Variants in MAP1LC3A observed in about 807,000 individuals in gnomAD.
MAP1LC3A encodes microtubule associated protein 1 light chain 3 alpha, also known as microtubule-associated protein 1 light chain 3 alpha.
MAP1LC3A carries 10 observed loss-of-function variants against 15.2 expected under a neutral mutation model. The observed-to-expected ratio is 0.66, with a 90% CI of 0.41 to 1.12. The LOEUF (loss-of-function observed/expected upper bound fraction) is 1.12. MAP1LC3A is among the 50% of genes most tolerant of loss of function. MAP1LC3A has a pLI of 0.00. For missense variants in MAP1LC3A, 138 were observed against 167.3 expected, an observed-to-expected ratio of 0.82 and a Z score of 0.97; for synonymous variants, 63 against 64.3, an observed-to-expected ratio of 0.98 and a Z score of 0.10.
Position 34,559,818 on chromosome 20 carries a change from G to T in MAP1LC3A, c.286G>T (p.Ala96Ser), listed in dbSNP as rs760673110. 9 of 1,613,878 alleles carry T rather than the reference G, an allele frequency of 5.6e-6. 1 individual carries two copies. The South Asian group carries it at 7.7e-5, about 14-fold the overall frequency. The change falls in exon 4 of 4, where the codon GCG becomes TCG. Residue 96 changes from alanine (A) to serine (S), a missense_variant. Ala to Ser is a moderately conservative substitution (Grantham distance 99). Coordinates refer to ENST00000360668, the MANE Select transcript of MAP1LC3A (RefSeq NM_032514.4). Reference sequence around the variant, plus strand: ...CATGGTGAGTGTGTCCACGCCCATCGCGGACATCTACGAGCAGGAGAAAGA... The same window carrying T: ...CATGGTGAGTGTGTCCACGCCCATCTCGGACATCTACGAGCAGGAGAAAGA... Reference protein sequence around the residue: ...HSMVSVSTPIADIYEQEKDED... With the variant: ...HSMVSVSTPISDIYEQEKDED...
chr20:34,553,826 C>T (rs1982039254), upstream of MAP1LC3A, among the ~76,000 whole-genome samples: 1 of 152,206 alleles, frequency 6.6e-6, no homozygotes, highest in Non-Finnish European at 1.5e-5. Context: ...TCCTCTCCAT[C>T]TTTCATTAAA....
In MAP1LC3A at chr20:34,559,070, G is replaced by A. The variant is rs889422743; in HGVS notation, c.41-138G>A. ...GCTGCCCGCTTCCCCACCGCGATAG[G>A]TGCCAGGGGCTGTGGGGCCTGATGG... On this transcript the variant is annotated intron_variant, in intron 1 of 3. Coordinates refer to ENST00000360668, the MANE Select transcript of MAP1LC3A (RefSeq NM_032514.4). 19 of 1,341,742 alleles carry A rather than the reference G, an allele frequency of 1.4e-5. No homozygotes were observed. In the Middle Eastern group the frequency reaches 1.6e-3, roughly 116 times the overall value. The allele number at this position is 1,341,742 out of a possible 1,614,324, so 83.1% of individuals were successfully genotyped here. A position where few individuals can be genotyped will look rare whatever the true frequency, so the allele number is the denominator to read the frequency against.
chr20:34,555,287 A>G (rs754467436), upstream of MAP1LC3A, among the ~76,000 whole-genome samples: 3 of 151,988 alleles, frequency 2.0e-5, no homozygotes, highest in Non-Finnish European at 4.4e-5. Flanking sequence ...CTGAGATTAC[A>G]GAATGCACCA....
chr20:34,553,916 T>C (rs1982043514), upstream of MAP1LC3A, among the ~76,000 whole-genome samples: 1 of 152,234 alleles, frequency 6.6e-6, no homozygotes, highest in Non-Finnish European at 1.5e-5. Flanking sequence ...TTTGCTATTA[T>C]GAAAATGTTA....
At chr20:34,550,691 A>C (rs770373957) in intron 2 of MAP1LC3A, among the ~76,000 whole-genome samples, 27 of 152,198 alleles carry the variant, frequency 1.8e-4, no homozygotes, top group Admixed American at 1.4e-3. Context: ...GGGAGCACAA[A>C]ATGGAACAGC....
At chr20:34,558,483 G>A, upstream of MAP1LC3A, 3 of 1,024,016 alleles carry the variant, frequency 2.9e-6, no homozygotes, top group Non-Finnish European at 3.5e-6. This position sits in a 1 kb window ranked among gnomAD's most constrained non-coding sequence, Gnocchi z 4.3. Flanking sequence ...GCCTAGGGCG[G>A]CCCCACCGCC....
At chr20:34,551,466 CCTTT>C (rs1981945675) in intron 2 of MAP1LC3A, among the ~76,000 whole-genome samples, 2 of 117,862 alleles carry the variant, frequency 1.7e-5, no homozygotes, top group Admixed American at 1.0e-4. Context: ...GGAACGCTGT[CCTTT>C]TTTTTTTTTT....
chr20:34,558,773 C>T lies in MAP1LC3A; in HGVS notation c.-96C>T, dbSNP rs1028373266. 3 of 1,349,244 alleles carry T rather than the reference C, an allele frequency of 2.2e-6. No individual in the cohort carries two copies. Among genetic ancestry groups the T allele is most frequent in the Non-Finnish European group, 2.8e-6 (3 of 1,059,532 alleles). 83.6% of individuals were successfully genotyped at this position (1,349,244 alleles called of 1,614,324 possible). On this transcript the variant is annotated 5_prime_UTR_variant, in exon 1 of 4. Transcript: ENST00000360668. The surrounding 1 kb of genome is among the most constrained non-coding windows in gnomAD (Gnocchi z 4.3). ...CGTGCTCAGCGCGAGCCCCGGAGCC[C>T]TTGAGCGCGAGGCGCGGAGCCCCCG...
Position 34,559,238 on chromosome 20 carries a change from G to A in MAP1LC3A, c.71G>A (p.Arg24His), listed in dbSNP as rs1166761643. 6.2e-7 allele frequency: 1 copy of A among 1,605,524 alleles called. No individual in the cohort carries two copies. Among genetic ancestry groups the A allele is most frequent in the Non-Finnish European group, 8.5e-7 (1 of 1,177,052 alleles). Residue 24 changes from arginine to histidine, a missense_variant, in exon 2 of 4, where the codon CGC (arginine) becomes CAC (histidine). Coordinates refer to ENST00000360668, the MANE Select transcript of MAP1LC3A (RefSeq NM_032514.4). ...CGCTGTAAGGAGGTACAGCAGATCC[G>A]CGACCAGCACCCCAGCAAAATCCCG... ...ADRCKEVQQIRDQHPSKIPVI... is the reference protein window; with the variant it reads ...ADRCKEVQQIHDQHPSKIPVI...
Position 34,558,898 on chromosome 20 carries a change from G to A in MAP1LC3A, c.30G>A (p.Arg10=). The change falls in exon 1 of 4, where the codon CGG becomes CGA. Residue 10 remains arginine (R), a synonymous_variant. Coordinates refer to ENST00000360668, the MANE Select transcript of MAP1LC3A (RefSeq NM_032514.4). The surrounding 1 kb of genome is among the most constrained non-coding windows in gnomAD (Gnocchi z 4.3). The stretch of plus-strand genomic sequence containing the variant: ...CCTCAGACCGGCCTTTCAAGCAGCG[G>A]CGGAGCTTCGGTGAGGCCCGGCAGG... MPSDRPFKQ[R]RSFADRCKEV... 1.4e-6 allele frequency: 2 copies of A among 1,418,776 alleles called. No individual in the cohort carries two copies. Among genetic ancestry groups the A allele is most frequent in the Non-Finnish European group, 9.2e-7 (1 of 1,091,250 alleles). The allele number at this position is 1,418,776 out of a possible 1,614,324, so 87.9% of individuals were successfully genotyped here.
chr20:34,556,043 C>T (rs1192957426), upstream of MAP1LC3A, among the ~76,000 whole-genome samples: 1 of 151,954 alleles, frequency 6.6e-6, no homozygotes, highest in Non-Finnish European at 1.5e-5. Context: ...GGGGTTTCAC[C>T]ATGTTAGCCA....
At chr20:34,550,002 C>T (rs1339981861) in exon 2 of MAP1LC3A, 1 of 1,614,192 alleles carries the variant, frequency 6.2e-7, no homozygotes, top group South Asian at 1.1e-5. Context: ...CTTCAGTTCT[C>T]CATGTGGAAA....
intron 1 of MAP1LC3A, among the ~76,000 whole-genome samples, chr20:34,548,120 C>G (rs184906986): frequency 4.4e-4 from 67 of 152,002 alleles, no homozygotes; most frequent in Middle Eastern, 3.4e-3. Context: ...GGGCCTGGAC[C>G]AGGTGATGGG....
intron 1 of MAP1LC3A, among the ~76,000 whole-genome samples, chr20:34,549,449 G>A (rs552340007): frequency 2.6e-5 from 4 of 152,188 alleles, no homozygotes; most frequent in South Asian, 2.1e-4. Context: ...CACCTTAAAC[G>A]AGGCGCCAAG....
In MAP1LC3A at chr20:34,551,848, A is replaced by C. The variant is rs577254289; in HGVS notation, c.52+1819A>C. On this transcript the variant is annotated intron_variant, in intron 2 of 4. Transcript: ENST00000374837. Reference sequence around the variant, plus strand: ...CAAAGAGTACACTTGACACCTCTGCATTTCATTGTTTGTGAATTTTACCCT... The same window carrying C: ...CAAAGAGTACACTTGACACCTCTGCCTTTCATTGTTTGTGAATTTTACCCT... Among the ~76,000 whole-genome samples the C allele has an allele frequency of 2.6e-5, 4 of 152,206 alleles. No individual in the cohort carries two copies. In the South Asian group the frequency reaches 8.3e-4, roughly 32 times the overall value.
chr20:34,555,486 C>T (rs1018525545), upstream of MAP1LC3A, among the ~76,000 whole-genome samples: 4 of 151,998 alleles, frequency 2.6e-5, no homozygotes, highest in Admixed American at 2.0e-4. Flanking sequence ...CACTATGTGG[C>T]CCAGGCTGGT....
upstream of MAP1LC3A, among the ~76,000 whole-genome samples, chr20:34,555,846 CTT>C (rs536070432): frequency 9.1e-4 from 119 of 130,302 alleles, no homozygotes; most frequent in Admixed American, 1.1e-3. Context: ...AGTTTTCTTT[CTT>C]TTTTTTTTTT....
upstream of MAP1LC3A, among the ~76,000 whole-genome samples, chr20:34,555,256 G>A (rs1331188319): frequency 6.7e-6 from 1 of 149,178 alleles, no homozygotes; most frequent in East Asian, 2.0e-4. Context: ...AGCAATTCTT[G>A]TGCCTCAGCC....
At chr20:34,556,075 C>A (rs925909389), upstream of MAP1LC3A, among the ~76,000 whole-genome samples, 6 of 152,158 alleles carry the variant, frequency 3.9e-5, no homozygotes, top group Non-Finnish European at 7.3e-5. Flanking sequence ...ATCTCCTGAC[C>A]TCGTGATCCG....
Sources: allele counts gnomAD v4.1 joint callset (sites outside exome capture counted in the v4.1 genomes callset), GRCh38; gene constraint gnomAD v4.1.1; non-coding constraint Gnocchi (gnomAD v3.1); transcripts MANE v1.5; gene names NCBI Gene and HGNC (gene_info 2026-07-23, HGNC 2026-07-21).